KIAA1328: variants seen among roughly 807,000 people sequenced by gnomAD.
KIAA1328 encodes the protein KIAA1328.
KIAA1328 carries 52 observed loss-of-function variants against 68.1 expected under a neutral mutation model. The observed-to-expected ratio is 0.76, with a 90% CI of 0.61 to 0.96. KIAA1328 has a LOEUF of 0.96. Ranked by LOEUF, KIAA1328 falls within the 40% of genes least tolerant of loss-of-function variation. The pLI, the probability that KIAA1328 is intolerant of heterozygous loss-of-function variation, is 0.00. For missense variants in KIAA1328, 641 were observed against 677.6 expected, an observed-to-expected ratio of 0.95 and a Z score of 0.60; for synonymous variants, 232 against 239.4, an observed-to-expected ratio of 0.97 and a Z score of 0.28.
At chr18:37,183,206 G>T (rs1313405341) in intron 9 of KIAA1328, among the ~76,000 whole-genome samples, 1 of 152,112 alleles carries the variant, frequency 6.6e-6, no homozygotes. Flanking sequence ...GTCACTCAAG[G>T]ACTGACCAAA....
At chr18:36,911,727 C>T (rs2049459170) in intron 5 of KIAA1328, among the ~76,000 whole-genome samples, 1 of 152,112 alleles carries the variant, frequency 6.6e-6, no homozygotes, top group African/African-American at 2.4e-5. Flanking sequence ...GCTGCATGAA[C>T]CTGATCAAAT....
At chr18:37,214,456 T>C (rs2154220524) in intron 9 of KIAA1328, among the ~76,000 whole-genome samples, 1 of 152,312 alleles carries the variant, frequency 6.6e-6, no homozygotes, top group Non-Finnish European at 1.5e-5. Context: ...GATCAGATGG[T>C]TGTAGATGTG....
intron 7 of KIAA1328, among the ~76,000 whole-genome samples, chr18:37,152,114 A>C (rs1178406593): frequency 6.6e-6 from 1 of 151,814 alleles, no homozygotes; most frequent in Admixed American, 6.6e-5. Context: ...AAAAAAAAAA[A>C]AAACAGATTA....
At chr18:36,937,813 A>G (rs1399163818) in intron 5 of KIAA1328, among the ~76,000 whole-genome samples, 4 of 151,630 alleles carry the variant, frequency 2.6e-5, no homozygotes, top group South Asian at 2.1e-4. Context: ...TCTACTCTTT[A>G]TCTTCATGAG....
chr18:37,172,010 G>C (rs578178534), intron 8 of KIAA1328, among the ~76,000 whole-genome samples: 1 of 152,356 alleles, frequency 6.6e-6, no homozygotes, highest in East Asian at 1.9e-4. Flanking sequence ...CGCTATAGCT[G>C]TAAGACTCTA....
chr18:36,842,817 T>C (rs1221520435), intron 3 of KIAA1328, among the ~76,000 whole-genome samples: 2 of 152,124 alleles, frequency 1.3e-5, no homozygotes, highest in Non-Finnish European at 2.9e-5. Context: ...TATTTGTCTT[T>C]TTTAATCATT....
intron 7 of KIAA1328, among the ~76,000 whole-genome samples, chr18:37,158,971 C>T (rs1189855150): frequency 2.0e-5 from 3 of 151,822 alleles, no homozygotes; most frequent in Non-Finnish European, 2.9e-5. Context: ...TTCCCTGTTC[C>T]GTGAGTGCAA....
At chr18:37,200,875 T>C (rs1358626606) in intron 9 of KIAA1328, among the ~76,000 whole-genome samples, 10 of 152,104 alleles carry the variant, frequency 6.6e-5, no homozygotes. Context: ...CTTGTCTTCT[T>C]TCCCTCTCCC....
At chr18:37,193,200 T>G (rs1325538570) in intron 9 of KIAA1328, among the ~76,000 whole-genome samples, 1 of 152,184 alleles carries the variant, frequency 6.6e-6, no homozygotes, top group African/African-American at 2.4e-5. Flanking sequence ...AGACTTAACT[T>G]GGGACTAACA....
chr18:36,920,300 A>T (rs895501771), intron 5 of KIAA1328, among the ~76,000 whole-genome samples: 3 of 152,140 alleles, frequency 2.0e-5, no homozygotes, highest in Non-Finnish European at 2.9e-5. Context: ...CATTTATTGA[A>T]TAGAGAGTCC....
At chr18:37,014,765 C>A (rs2054093137) in intron 6 of KIAA1328, among the ~76,000 whole-genome samples, 2 of 152,138 alleles carry the variant, frequency 1.3e-5, no homozygotes, top group African/African-American at 4.8e-5. Flanking sequence ...AGTCACCTCC[C>A]ACCTCCAACA....
chr18:37,215,373 T>C (rs1037283890), intron 9 of KIAA1328, among the ~76,000 whole-genome samples: 2 of 152,244 alleles, frequency 1.3e-5, no homozygotes, highest in Non-Finnish European at 2.9e-5. Flanking sequence ...TGTTGAATTT[T>C]GTTGAAGGCA....
At chr18:36,927,179 AG>A (rs897417856) in intron 5 of KIAA1328, among the ~76,000 whole-genome samples, 1 of 152,202 alleles carries the variant, frequency 6.6e-6, no homozygotes, top group Admixed American at 6.5e-5. Context: ...TCAGCATAAA[AG>A]GGTCAGTAAT....
intron 5 of KIAA1328, among the ~76,000 whole-genome samples, chr18:36,950,079 G>A (rs1332356776): frequency 2.0e-5 from 3 of 152,066 alleles, no homozygotes; most frequent in African/African-American, 4.8e-5. Context: ...TCCATTTTCA[G>A]TTGCATATAT....
At chr18:36,849,194 C>G (rs1034823680) in intron 4 of KIAA1328, among the ~76,000 whole-genome samples, 1 of 151,860 alleles carries the variant, frequency 6.6e-6, no homozygotes, top group Non-Finnish European at 1.5e-5. Context: ...ACTCCTCTCA[C>G]CAGCCCCTGG....
chr18:36,914,184 G>A (rs146828390), intron 5 of KIAA1328, among the ~76,000 whole-genome samples: 1,703 of 152,226 alleles, frequency 0.011, 26 homozygotes, highest in African/African-American at 0.038. Flanking sequence ...AATACAGATG[G>A]AGTGAAGAAA....
intron 6 of KIAA1328, among the ~76,000 whole-genome samples, chr18:37,064,519 C>T (rs1046371398): frequency 6.7e-6 from 1 of 148,666 alleles, no homozygotes; most frequent in African/African-American, 2.5e-5. Flanking sequence ...TAAAAATAGG[C>T]ATGGTAGACT....
At chr18:36,850,980 G>A (rs1005369527) in intron 4 of KIAA1328, among the ~76,000 whole-genome samples, 2 of 152,098 alleles carry the variant, frequency 1.3e-5, no homozygotes, top group African/African-American at 4.8e-5. Flanking sequence ...CCATGTTAAG[G>A]AACTTTCATG....
At chr18:36,976,719 A>C (rs758907105) in intron 6 of KIAA1328, among the ~76,000 whole-genome samples, 2 of 152,040 alleles carry the variant, frequency 1.3e-5, no homozygotes, top group East Asian at 1.9e-4. Context: ...TACATTGTTT[A>C]TTTTCTCAAA....
Sources: allele counts gnomAD v4.1 joint callset (sites outside exome capture counted in the v4.1 genomes callset), GRCh38; gene constraint gnomAD v4.1.1; transcripts MANE v1.5; gene names NCBI Gene and HGNC (gene_info 2026-07-23, HGNC 2026-07-21).